GOLGA4: variants seen among roughly 807,000 people sequenced by gnomAD.
GOLGA4 encodes golgin subfamily A member 4.
In GOLGA4, 169 loss-of-function variants were observed where a neutral mutation model predicts 265.9. The observed-to-expected ratio is 0.64, with a 90% CI of 0.56 to 0.72. The LOEUF is 0.72. Among genes scored for constraint, GOLGA4 ranks in the 30% least tolerant of loss-of-function variants. The probability of loss-of-function intolerance (pLI) is 0.00; values close to 1 mark genes in which losing one functional copy is unlikely to be tolerated. For synonymous variants in GOLGA4, 923 were observed against 855.8 expected (o/e 1.08, Z -1.37); for missense variants, 2,482 against 2,483.4 (o/e 1.00, Z 0.01).
chr3:37,305,758 A>T (rs1163360800), intron 10 of GOLGA4, among the ~76,000 whole-genome samples: 1 of 152,228 alleles, frequency 6.6e-6, no homozygotes, highest in Non-Finnish European at 1.5e-5. Flanking sequence ...TCTAGAAAAT[A>T]AACTCTCCAA....
intron 2 of GOLGA4, among the ~76,000 whole-genome samples, chr3:37,255,698 G>A (rs2096746590): frequency 6.6e-6 from 1 of 151,788 alleles, no homozygotes; most frequent in African/African-American, 2.4e-5. Context: ...TGTTGCGGTG[G>A]ACAAATATTT....
chr3:37,344,390 C>G (rs2097049269), intron 20 of GOLGA4, among the ~76,000 whole-genome samples: 1 of 152,132 alleles, frequency 6.6e-6, no homozygotes, highest in African/African-American at 2.4e-5. Flanking sequence ...GCATGAGCCA[C>G]TGTGCCTGGC....
intron 1 of GOLGA4, 57 bp downstream of exon 1, chr3:37,243,679 G>A (rs1044128851): frequency 1.4e-6 from 2 of 1,391,536 alleles, no homozygotes; most frequent in African/African-American, 1.4e-5. Context: ...ACCGGCCCGC[G>A]GACGAAAGAG....
At chr3:37,294,668 G>C (rs1353110078) in intron 5 of GOLGA4, among the ~76,000 whole-genome samples, 1 of 152,134 alleles carries the variant, frequency 6.6e-6, no homozygotes, top group Non-Finnish European at 1.5e-5. Context: ...TTACAGGTGT[G>C]AGCCACCGCA....
chr3:37,365,098 T>C (rs1696647648), intron 23 of GOLGA4, among the ~76,000 whole-genome samples: 1 of 152,176 alleles, frequency 6.6e-6, no homozygotes, highest in Non-Finnish European at 1.5e-5. Flanking sequence ...GATCTCACTA[T>C]GTTGCCCAGG....
At chr3:37,363,379 G>T (rs893082615) in intron 23 of GOLGA4, among the ~76,000 whole-genome samples, 30 of 152,142 alleles carry the variant, frequency 2.0e-4, no homozygotes, top group African/African-American at 7.0e-4. Context: ...CACTGGAAAT[G>T]TATATTGTGC....
At position 37,323,915 on chromosome 3, in the gene GOLGA4, G is replaced by C. The variant is rs772532911; in HGVS notation, c.2029G>C (p.Glu677Gln). The C allele has an allele frequency of 3.1e-5, 50 of 1,613,468 alleles. No homozygotes were observed. The highest frequency in any genetic ancestry group is 1.6e-4 in the Middle Eastern group (1 of 6,084). ...AGAAGAAATGAATGAAAAGACTTTA[G>C]AAAAGCTTGATGTGAAGCAAACAGA... ...HIEEMNEKTL[E>Q]KLDVKQTELE... is the part of the protein sequence containing the mutation. The change falls in exon 14 of 24, where the codon GAA becomes CAA. Residue 677 changes from glutamate to glutamine, a missense_variant. Glu to Gln is a conservative substitution (Grantham distance 29). Transcript: ENST00000361924.
intron 18 of GOLGA4, 78 bp from the exon 19 acceptor site, chr3:37,337,588 T>C (rs2151007740): frequency 1.1e-6 from 1 of 924,224 alleles, no homozygotes; most frequent in Admixed American, 1.8e-5. Flanking sequence ...CTAACAAAAA[T>C]TTCCAAGCAG....
chr3:37,325,942 C>G lies in GOLGA4; in HGVS notation c.4056C>G (p.Ile1352Met). The change falls in exon 14 of 24, where the codon ATC becomes ATG. Residue 1352 changes from isoleucine to methionine, a missense_variant. Transcript: ENST00000361924. ...TQLKKELSEN[I>M]NAVTLMKEEL... Reference sequence around the variant, plus strand: ...TGAAGAAAGAGTTATCTGAAAACATCAATGCTGTCACATTGATGAAAGAAG... The same window carrying G: ...TGAAGAAAGAGTTATCTGAAAACATGAATGCTGTCACATTGATGAAAGAAG... 6.2e-7 allele frequency: 1 copy of G among 1,611,650 alleles called. No individual in the cohort carries two copies. The highest frequency in any genetic ancestry group is 8.5e-7 in the Non-Finnish European group (1 of 1,178,232).
chr3:37,359,167 A>G (rs1178108516), intron 22 of GOLGA4, among the ~76,000 whole-genome samples: 1 of 151,816 alleles, frequency 6.6e-6, no homozygotes, highest in Non-Finnish European at 1.5e-5. Flanking sequence ...TCATTTTATG[A>G]TGGTTTAGGT....
intron 2 of GOLGA4, among the ~76,000 whole-genome samples, chr3:37,279,697 A>G (rs1434265398): frequency 1.3e-5 from 2 of 152,174 alleles, no homozygotes; most frequent in South Asian, 2.1e-4. Flanking sequence ...ACCTGAGGTC[A>G]GGAGTTCGAG....
At chr3:37,282,352 T>A in intron 3 of GOLGA4, 80 bp downstream of exon 3, 1 of 987,542 alleles carries the variant, frequency 1.0e-6, no homozygotes, top group Non-Finnish European at 1.5e-6. Flanking sequence ...GCTTTACTCC[T>A]GTGATTGGCT....
In GOLGA4 at chr3:37,325,730, A is replaced by G. The variant is rs1332830513; in HGVS notation, c.3844A>G (p.Thr1282Ala). 3 of 1,613,638 alleles carry G rather than the reference A, an allele frequency of 1.9e-6. No homozygotes were observed. Among genetic ancestry groups the G allele is most frequent in the Non-Finnish European group, 2.5e-6 (3 of 1,179,686 alleles). Residue 1282 changes from threonine to alanine, a missense_variant, in exon 14 of 24, where the codon ACA becomes GCA. Around this residue, in one of 3 missense-constraint regions of GOLGA4, gnomAD observed 1,536 missense variants for 1,483.7 expected, o/e 1.04. Coordinates refer to ENST00000361924, the MANE Select transcript of GOLGA4 (RefSeq NM_002078.5). ...SELEAQLRQL[T>A]EEQNTLNISF... The stretch of plus-strand genomic sequence containing the variant: ...ATTAGAAGCACAACTTAGACAGTTG[A>G]CAGAGGAGCAAAATACACTAAATAT...
Position 37,335,080 on chromosome 3 carries a change from G to A in GOLGA4, c.6220G>A (p.Val2074Ile). 1 of 1,605,270 alleles carries A rather than the reference G, an allele frequency of 6.2e-7. No homozygotes were observed. The highest frequency in any genetic ancestry group is 8.5e-7 in the Non-Finnish European group (1 of 1,174,028). The part of the protein sequence containing the change: ...DAREEEMTAK[V>I]RDLQTQLEEL... ...TCGTGAAGAAGAAATGACTGCAAAA[G>A]TAAGGGACCTGCAGACTCAACTTGA... The change falls in exon 17 of 24, where the codon GTA (valine) becomes ATA (isoleucine). Residue 2074 changes from valine (V) to isoleucine (I), a missense_variant. This residue lies in a region of GOLGA4 where 942 missense variants were observed against 983.1 expected (regional missense o/e 0.96). Coordinates refer to ENST00000361924, the MANE Select transcript of GOLGA4 (RefSeq NM_002078.5).
intron 2 of GOLGA4, chr3:37,275,872 G>A (rs1578453718): frequency 1.2e-6 from 2 of 1,613,764 alleles, no homozygotes; most frequent in African/African-American, 2.7e-5. Flanking sequence ...GTACAGATGA[G>A]GAAGTTACAT....
chr3:37,349,926 C>A, intron 21 of GOLGA4, among the ~76,000 whole-genome samples: 1 of 152,152 alleles, frequency 6.6e-6, no homozygotes, highest in Non-Finnish European at 1.5e-5. Context: ...TACATACGTT[C>A]TTGTAGTATG....
chr3:37,278,326 A>C, intron 2 of GOLGA4, among the ~76,000 whole-genome samples: 1 of 151,686 alleles, frequency 6.6e-6, no homozygotes, highest in Non-Finnish European at 1.5e-5. Flanking sequence ...CAGCCTCCTG[A>C]GTAGCTGGGA....
intron 4 of GOLGA4, among the ~76,000 whole-genome samples, chr3:37,288,978 A>C (rs1170727160): frequency 6.6e-6 from 1 of 152,224 alleles, no homozygotes; most frequent in Non-Finnish European, 1.5e-5. Context: ...TTACATGTCC[A>C]TGCATTTTAA....
intron 3 of GOLGA4, among the ~76,000 whole-genome samples, chr3:37,284,774 T>G (rs1329195760): frequency 6.6e-6 from 1 of 151,802 alleles, no homozygotes; most frequent in East Asian, 1.9e-4. Flanking sequence ...TAGGTGATTC[T>G]CCCACCTCAA....
Sources: gnomAD v4.1 joint callset for allele counts (sites outside exome capture counted in the v4.1 genomes callset) on GRCh38, gnomAD v4.1.1 for gene constraint, gnomAD v4.1.1 regional missense constraint, MANE v1.5 for transcripts, NCBI Gene and HGNC (gene_info 2026-07-23, HGNC 2026-07-21) for gene names.